MARCHF10: variants seen among roughly 807,000 people sequenced by gnomAD.
MARCHF10 encodes the protein probable E3 ubiquitin-protein ligase MARCHF10.
A neutral mutation model predicts 76.2 loss-of-function variants in MARCHF10; 64 were observed. That is an observed-to-expected ratio of 0.84 (90% CI 0.69 to 1.03). The LOEUF (loss-of-function observed/expected upper bound fraction) is 1.03, where lower values mean the gene tolerates loss of function less well. MARCHF10 is among the 50% of genes least tolerant of loss of function. The pLI is 0.00. For synonymous variants in MARCHF10, 340 were observed against 357.5 expected, an observed-to-expected ratio of 0.95 and a Z score of 0.55; for missense variants, 875 against 958.0, an observed-to-expected ratio of 0.91 and a Z score of 1.14.
chr17:62,721,964 C>A (rs2090509693), intron 8 of MARCHF10, among the ~76,000 whole-genome samples: 1 of 152,020 alleles, frequency 6.6e-6, no homozygotes, highest in Admixed American at 6.6e-5. Context: ...AACAGCAGGG[C>A]AAACTCAACC....
chr17:62,744,009 G>A (rs913157280), intron 5 of MARCHF10, among the ~76,000 whole-genome samples: 6 of 152,140 alleles, frequency 3.9e-5, no homozygotes, highest in African/African-American at 7.2e-5. Context: ...TTGCAGATCC[G>A]CTTCTCTGCC....
chr17:62,774,507 C>T (rs574358131), intron 3 of MARCHF10, among the ~76,000 whole-genome samples: 1 of 152,210 alleles, frequency 6.6e-6, no homozygotes, highest in South Asian at 2.1e-4. Context: ...TGGTCTGGAG[C>T]AGCAGTGGGA....
chr17:62,791,818 ATGT>A (rs2092847713), intron 2 of MARCHF10, among the ~76,000 whole-genome samples: 1 of 139,514 alleles, frequency 7.2e-6, no homozygotes, highest in African/African-American at 2.6e-5. Flanking sequence ...TCAGCTGTTG[ATGT>A]TGTTTTTGTG....
At chr17:62,800,395 G>A (rs1318288276) in intron 2 of MARCHF10, among the ~76,000 whole-genome samples, 2 of 152,172 alleles carry the variant, frequency 1.3e-5, no homozygotes, top group Non-Finnish European at 2.9e-5. Flanking sequence ...CTCCCAGGGC[G>A]ACCAGTGTGG....
At chr17:62,793,306 T>TCACCAC (rs1242528443) in intron 2 of MARCHF10, among the ~76,000 whole-genome samples, 2 of 68,246 alleles carry the variant, frequency 2.9e-5, no homozygotes, top group African/African-American at 1.2e-4. Context: ...ACCACCTCCA[T>TCACCAC]CACCACCACC....
intron 3 of MARCHF10, among the ~76,000 whole-genome samples, chr17:62,784,682 G>A (rs2092717089): frequency 6.6e-6 from 1 of 152,108 alleles, no homozygotes; most frequent in South Asian, 2.1e-4. Context: ...AAAGTCTCAG[G>A]ATACAAAATC....
intron 2 of MARCHF10, among the ~76,000 whole-genome samples, chr17:62,792,372 G>A (rs1482485820): frequency 6.6e-6 from 1 of 152,024 alleles, no homozygotes; most frequent in Non-Finnish European, 1.5e-5. Flanking sequence ...TCATCTGTAA[G>A]AGGAAGTTGC....
At chr17:62,731,170 T>G (rs2091008627) in intron 6 of MARCHF10, among the ~76,000 whole-genome samples, 1 of 152,188 alleles carries the variant, frequency 6.6e-6, no homozygotes, top group Admixed American at 6.5e-5. Context: ...TAAGTAATGT[T>G]AAAATTCTAC....
chr17:62,732,492 C>T (rs917109084), intron 6 of MARCHF10, among the ~76,000 whole-genome samples: 1 of 152,080 alleles, frequency 6.6e-6, no homozygotes, highest in African/African-American at 2.4e-5. Context: ...CCCAAACGCT[C>T]GGATATTTCA....
intron 2 of MARCHF10, among the ~76,000 whole-genome samples, chr17:62,790,918 T>C (rs2092831045): frequency 1.3e-5 from 2 of 152,222 alleles, no homozygotes; most frequent in Admixed American, 1.3e-4. Context: ...AGTGGAATCC[T>C]AGATTCTGGG....
chr17:62,721,122 G>GC (rs1317516630), intron 8 of MARCHF10, among the ~76,000 whole-genome samples: 1 of 152,108 alleles, frequency 6.6e-6, no homozygotes, highest in African/African-American at 2.4e-5. Flanking sequence ...GCCCACCTTG[G>GC]CCTCCCAAAG....
rs111331975 is a variant in MARCHF10 at position 62,744,586 on chromosome 17, A to G, written c.383-58T>C. ...TTGTTTACAGGAAAATGTCTTCCAT[A>G]TAAAGAACGTTCAAAGGGCCCAGCA... On this transcript the variant is annotated intron_variant, in intron 4 of 10. Coordinates refer to ENST00000311269, the MANE Select transcript of MARCHF10 (RefSeq NM_152598.4). 2.1e-5 allele frequency: 34 copies of G among 1,589,336 alleles called. 1 individual carries two copies. The African/African-American group carries it at 2.4e-4, about 11-fold the overall frequency.
intron 5 of MARCHF10, among the ~76,000 whole-genome samples, chr17:62,739,582 T>G (rs944036032): frequency 6.6e-6 from 1 of 152,022 alleles, no homozygotes; most frequent in East Asian, 1.9e-4. Context: ...GGTTTCTCCA[T>G]GTTGGTCAGG....
At chr17:62,792,783 ACCT>A (rs1489726544) in intron 2 of MARCHF10, among the ~76,000 whole-genome samples, 2 of 119,620 alleles carry the variant, frequency 1.7e-5, no homozygotes, top group East Asian at 2.5e-4. Context: ...TACCACCACC[ACCT>A]CCATCACCAC....
At chr17:62,704,759 T>A (rs1342772018) in intron 10 of MARCHF10, among the ~76,000 whole-genome samples, 1 of 152,218 alleles carries the variant, frequency 6.6e-6, no homozygotes, top group Non-Finnish European at 1.5e-5. Flanking sequence ...GCAAAGCCCA[T>A]GTGGGAGCCA....
At chr17:62,806,976 A>G (rs934721477) in intron 1 of MARCHF10, among the ~76,000 whole-genome samples, 1 of 152,236 alleles carries the variant, frequency 6.6e-6, no homozygotes, top group Non-Finnish European at 1.5e-5. Flanking sequence ...CAATAAAGGA[A>G]ATGTAAACAA....
At chr17:62,793,493 C>T (rs1377939738) in intron 2 of MARCHF10, among the ~76,000 whole-genome samples, 79 of 108,346 alleles carry the variant, frequency 7.3e-4, no homozygotes, top group Non-Finnish European at 1.2e-3. Flanking sequence ...ACCTCCATCA[C>T]CACCACCACC....
chr17:62,788,418 C>T (rs2148118269), intron 3 of MARCHF10, 62 bp downstream of exon 3: 1 of 1,596,936 alleles, frequency 6.3e-7, no homozygotes, highest in South Asian at 1.1e-5. Flanking sequence ...CACACACACA[C>T]ACACCACCAC....
intron 2 of MARCHF10, among the ~76,000 whole-genome samples, chr17:62,799,650 G>T (rs2148201966): frequency 6.6e-6 from 1 of 152,136 alleles, no homozygotes; most frequent in African/African-American, 2.4e-5. Flanking sequence ...GGACGCGGAG[G>T]CAGGAGAATC....
Sources: gnomAD v4.1 joint callset for allele counts (sites outside exome capture counted in the v4.1 genomes callset) on GRCh38, gnomAD v4.1.1 for gene constraint, MANE v1.5 for transcripts, NCBI Gene and HGNC (gene_info 2026-07-23, HGNC 2026-07-21) for gene names.